Variants in FBXL17 observed in about 807,000 individuals in gnomAD.
FBXL17 encodes the protein F-box/LRR-repeat protein 17.
FBXL17 carries 22 observed loss-of-function variants against 66.2 expected under a neutral mutation model. That is an observed-to-expected ratio of 0.33 (90% CI 0.24 to 0.47). The LOEUF is 0.47. FBXL17 is among the 20% of genes least tolerant of loss of function. The probability of loss-of-function intolerance (pLI) is 1.00; values close to 1 mark genes in which losing one functional copy is unlikely to be tolerated. For missense variants in FBXL17, 878 were observed against 948.2 expected (o/e 0.93, Z 0.97); for synonymous variants, 474 against 400.5 (o/e 1.18, Z -2.19).
At chr5:108,090,385 C>T (rs986633284) in intron 6 of FBXL17, among the ~76,000 whole-genome samples, 2 of 152,174 alleles carry the variant, frequency 1.3e-5, no homozygotes, top group African/African-American at 2.4e-5. Flanking sequence ...TGAATCAAGA[C>T]CACCCTTTCA....
intron 8 of FBXL17, among the ~76,000 whole-genome samples, chr5:107,871,069 A>AAAAAAAAAAAAAAAAAAAAAC (rs1456052737): frequency 1.5e-5 from 2 of 130,174 alleles, no homozygotes; most frequent in African/African-American, 6.4e-5. Context: ...AAAAAAAAAA[A>AAAAAAAAAAAAAAAAAAAAAC]AAAAAAAAAA....
chr5:108,189,991 C>T (rs1465135818), intron 5 of FBXL17, among the ~76,000 whole-genome samples: 1 of 152,108 alleles, frequency 6.6e-6, no homozygotes, highest in Non-Finnish European at 1.5e-5. Flanking sequence ...CTTGTGAAAC[C>T]CCAGGCAGAG....
In FBXL17 at chr5:107,999,782, C is replaced by T. The variant is rs140637054; in HGVS notation, c.1822+21143G>A. Among the ~76,000 whole-genome samples the T allele has an allele frequency of 4.5e-3, 678 of 152,230 alleles. 2 individuals carry two copies. The highest frequency in any genetic ancestry group is 0.01 in the Middle Eastern group (3 of 294). ...ACACATAATGAATACTCAATAAACA[C>T]TTACTGGTTGATTGAATGAATGGAT... On this transcript the variant is annotated intron_variant, in intron 7 of 8. Coordinates refer to ENST00000542267, the MANE Select transcript of FBXL17 (RefSeq NM_001163315.3).
intron 6 of FBXL17, among the ~76,000 whole-genome samples, chr5:108,117,047 G>A (rs897736099): frequency 6.6e-6 from 1 of 152,086 alleles, no homozygotes; most frequent in South Asian, 2.1e-4. Flanking sequence ...TCGACTTAAG[G>A]CTTGTAGTTT....
At chr5:108,254,986 T>C (rs1561490264) in intron 4 of FBXL17, among the ~76,000 whole-genome samples, 1 of 152,202 alleles carries the variant, frequency 6.6e-6, no homozygotes, top group Non-Finnish European at 1.5e-5. Flanking sequence ...GGAAATAATT[T>C]AGTATGGCTT....
At chr5:108,053,275 G>A (rs1264770653) in intron 6 of FBXL17, among the ~76,000 whole-genome samples, 1 of 151,744 alleles carries the variant, frequency 6.6e-6, no homozygotes, top group East Asian at 1.9e-4. Context: ...AAGAATGAGA[G>A]AAAATTTTTG....
intron 4 of FBXL17, among the ~76,000 whole-genome samples, chr5:108,270,033 G>A (rs906469301): frequency 3.9e-5 from 6 of 151,932 alleles, no homozygotes; most frequent in African/African-American, 1.2e-4. Flanking sequence ...GCCAAACCAA[G>A]TATCAAAGCT....
chr5:108,157,151 T>G (rs1190680018), intron 6 of FBXL17, among the ~76,000 whole-genome samples: 1 of 149,030 alleles, frequency 6.7e-6, no homozygotes, highest in Admixed American at 6.7e-5. Flanking sequence ...TTCCAGTTCA[T>G]GCACTCCTAT....
At chr5:108,003,746 G>A (rs550806762) in intron 7 of FBXL17, among the ~76,000 whole-genome samples, 19 of 152,140 alleles carry the variant, frequency 1.2e-4, no homozygotes, top group Admixed American at 9.2e-4. Context: ...CAGGGCTGAT[G>A]GAAAAATCAG....
intron 6 of FBXL17, among the ~76,000 whole-genome samples, chr5:108,110,599 T>C (rs777564304): frequency 2.6e-5 from 4 of 152,184 alleles, no homozygotes; most frequent in African/African-American, 9.7e-5. Context: ...GGCACAAGAT[T>C]AAATGATTTC....
intron 7 of FBXL17, among the ~76,000 whole-genome samples, chr5:107,889,282 C>T (rs1244941392): frequency 6.6e-6 from 1 of 151,978 alleles, no homozygotes; most frequent in Non-Finnish European, 1.5e-5. Flanking sequence ...AATCTGAAGA[C>T]GTGAAACTTA....
intron 5 of FBXL17, among the ~76,000 whole-genome samples, chr5:108,205,905 T>G (rs1754096896): frequency 1.3e-5 from 2 of 152,030 alleles, no homozygotes; most frequent in African/African-American, 4.8e-5. Context: ...CCTGGCTAAT[T>G]TTTGTATATT....
chr5:108,150,227 T>C (rs934837948), intron 6 of FBXL17, among the ~76,000 whole-genome samples: 1 of 152,126 alleles, frequency 6.6e-6, no homozygotes, highest in Non-Finnish European at 1.5e-5. Flanking sequence ...TTAACTTTGA[T>C]ACAATCTTTT....
chr5:108,113,443 T>C, intron 6 of FBXL17, among the ~76,000 whole-genome samples: 1 of 152,268 alleles, frequency 6.6e-6, no homozygotes, highest in Middle Eastern at 3.4e-3. Flanking sequence ...TATACACATA[T>C]ATATATATAA....
chr5:107,964,681 C>A (rs1205369896), intron 7 of FBXL17, among the ~76,000 whole-genome samples: 1 of 152,106 alleles, frequency 6.6e-6, no homozygotes, highest in Non-Finnish European at 1.5e-5. Context: ...ATAACTGAGA[C>A]CCCAAAGACC....
At chr5:108,379,822 C>A (rs1034652914) in intron 1 of FBXL17, among the ~76,000 whole-genome samples, 1 of 152,180 alleles carries the variant, frequency 6.6e-6, no homozygotes, top group African/African-American at 2.4e-5. Flanking sequence ...GCAAAATATT[C>A]TTGGTAGTTG....
chr5:108,228,521 C>G (rs552754307), intron 4 of FBXL17, among the ~76,000 whole-genome samples: 1 of 152,222 alleles, frequency 6.6e-6, no homozygotes, highest in East Asian at 1.9e-4. Context: ...AATTACAGTA[C>G]CTACCCCACA....
chr5:107,969,537 G>A (rs750449044), intron 7 of FBXL17, among the ~76,000 whole-genome samples: 7 of 152,072 alleles, frequency 4.6e-5, no homozygotes, highest in Non-Finnish European at 1.0e-4. Flanking sequence ...GCAGAAGCAG[G>A]TGAACAAAGT....
intron 4 of FBXL17, among the ~76,000 whole-genome samples, chr5:108,278,260 A>G (rs528362630): frequency 2.6e-5 from 4 of 152,324 alleles, no homozygotes; most frequent in African/African-American, 9.6e-5. Flanking sequence ...GAACTACTTC[A>G]GGGAAAGAAC....
Sources: gnomAD v4.1 joint callset for allele counts (sites outside exome capture counted in the v4.1 genomes callset) on GRCh38, gnomAD v4.1.1 for gene constraint, MANE v1.5 for transcripts, NCBI Gene and HGNC (gene_info 2026-07-23, HGNC 2026-07-21) for gene names.